The following PDSS2 variants were observed in gnomAD, a reference collection of about 807,000 sequenced individuals.
The protein encoded by PDSS2 is decaprenyl diphosphate synthase subunit 2, also known as all trans-polyprenyl-diphosphate synthase PDSS2.
Under a neutral mutation model 44.5 loss-of-function variants are expected in PDSS2, and 31 were observed. That is an observed-to-expected ratio of 0.70 (90% CI 0.52 to 0.94). The LOEUF (loss-of-function observed/expected upper bound fraction) is 0.94, where lower values mean the gene tolerates loss of function less well. PDSS2 is among the 40% of genes least tolerant of loss of function. The pLI is 0.00. For synonymous variants in PDSS2, 157 were observed against 180.3 expected (o/e 0.87, Z 1.03); for missense variants, 452 against 482.2 (o/e 0.94, Z 0.59).
chr6:107,264,274 T>G (rs1198586245), intron 3 of PDSS2: 2 of 1,372,856 alleles, frequency 1.5e-6, no homozygotes, highest in East Asian at 5.2e-5. Flanking sequence ...AACAAAATAC[T>G]TCATTTTAAA....
At chr6:107,203,408 C>T (rs746466030) in intron 6 of PDSS2, among the ~76,000 whole-genome samples, 5 of 152,106 alleles carry the variant, frequency 3.3e-5, no homozygotes, top group Non-Finnish European at 7.3e-5. Flanking sequence ...TTCTCATTGC[C>T]AACACTCTGA....
chr6:107,162,034 A>T (rs1163416905), intron 7 of PDSS2, among the ~76,000 whole-genome samples: 3 of 152,170 alleles, frequency 2.0e-5, no homozygotes, highest in Non-Finnish European at 4.4e-5. Flanking sequence ...GTGGGGTCAC[A>T]CAATTCTTGA....
chr6:107,225,757 A>G (rs1173684410), intron 4 of PDSS2, among the ~76,000 whole-genome samples: 4 of 152,200 alleles, frequency 2.6e-5, no homozygotes, highest in Non-Finnish European at 5.9e-5. Flanking sequence ...TCTTGCCATT[A>G]AGTAGAATTA....
chr6:107,444,624 T>G (rs1781609906), intron 1 of PDSS2, among the ~76,000 whole-genome samples: 1 of 152,202 alleles, frequency 6.6e-6, no homozygotes, highest in Admixed American at 6.5e-5. Flanking sequence ...TCATAAGTAA[T>G]GTAGGTTTTC....
intron 7 of PDSS2, among the ~76,000 whole-genome samples, chr6:107,188,636 T>C (rs10085269): frequency 1.2e-3 from 177 of 152,298 alleles, no homozygotes; most frequent in African/African-American, 4.2e-3. Flanking sequence ...GAGGTGGGCC[T>C]AGCGGGAGGT....
intron 7 of PDSS2, among the ~76,000 whole-genome samples, chr6:107,187,694 T>A (rs1468717883): frequency 2.6e-5 from 4 of 151,102 alleles, no homozygotes; most frequent in African/African-American, 9.7e-5. Flanking sequence ...TTAAAATGAC[T>A]AATTTGAGTC....
At chr6:107,223,925 G>GC (rs1773700542) in intron 4 of PDSS2, among the ~76,000 whole-genome samples, 1 of 151,290 alleles carries the variant, frequency 6.6e-6, no homozygotes, top group Admixed American at 6.6e-5. Flanking sequence ...CAAGAGGTGA[G>GC]CGGTGGGTGA....
At chr6:107,329,957 C>A (rs901011585) in intron 2 of PDSS2, among the ~76,000 whole-genome samples, 1 of 144,720 alleles carries the variant, frequency 6.9e-6, no homozygotes, top group Admixed American at 7.0e-5. Flanking sequence ...GCCGAGACTG[C>A]ATCACTTCAC....
chr6:107,210,556 G>T lies in PDSS2; in HGVS notation c.891C>A (p.Val297=). 6.3e-7 allele frequency: 1 copy of T among 1,595,890 alleles called. No homozygotes were observed. Among genetic ancestry groups the T allele is most frequent in the Non-Finnish European group, 8.6e-7 (1 of 1,163,666 alleles). ...TGGTCTTTTCTTTAATAAAAGGCTG[G>T]ACATCAGAATTTATCTACAAGAAGC... is the stretch of plus-strand genomic sequence containing the variant. ...MAMSHKINSD[V]QPFIKEKTSD... Residue 297 remains valine, a synonymous_variant, in exon 6 of 8, where the codon GTC becomes GTA. Coordinates refer to ENST00000369037, the MANE Select transcript of PDSS2 (RefSeq NM_020381.4).
At chr6:107,428,696 G>C (rs887387476) in intron 1 of PDSS2, among the ~76,000 whole-genome samples, 2 of 151,972 alleles carry the variant, frequency 1.3e-5, no homozygotes, top group Admixed American at 6.6e-5. Context: ...AATTATCTGG[G>C]TATAGTAGTG....
chr6:107,273,203 C>T (rs1055393756), intron 3 of PDSS2, among the ~76,000 whole-genome samples: 3 of 152,036 alleles, frequency 2.0e-5, no homozygotes, highest in South Asian at 2.1e-4. Flanking sequence ...AGACTGGTCT[C>T]GAACTCCTGA....
chr6:107,192,879 C>T (rs766239048), intron 7 of PDSS2, among the ~76,000 whole-genome samples: 7 of 151,918 alleles, frequency 4.6e-5, no homozygotes, highest in Non-Finnish European at 1.0e-4. Context: ...CAGGAGAGTG[C>T]GAGGTTCCAG....
intron 1 of PDSS2, among the ~76,000 whole-genome samples, chr6:107,430,266 A>G (rs925453774): frequency 2.0e-5 from 3 of 152,070 alleles, no homozygotes; most frequent in Non-Finnish European, 4.4e-5. Flanking sequence ...TTGGGAGGCC[A>G]AGGTGGGTGG....
chr6:107,386,478 CT>C (rs1239864919), intron 1 of PDSS2, among the ~76,000 whole-genome samples: 3 of 151,788 alleles, frequency 2.0e-5, no homozygotes, highest in Non-Finnish European at 4.4e-5. Context: ...CAGGATTAGG[CT>C]TACATTTAAA....
chr6:107,174,589 C>T (rs1165957877), intron 7 of PDSS2, among the ~76,000 whole-genome samples: 2 of 152,028 alleles, frequency 1.3e-5, no homozygotes, highest in Non-Finnish European at 2.9e-5. Flanking sequence ...AGACTTGGTA[C>T]AAAAGGAAAA....
intron 4 of PDSS2, among the ~76,000 whole-genome samples, chr6:107,229,415 C>T (rs1363542019): frequency 6.6e-6 from 1 of 152,136 alleles, no homozygotes; most frequent in African/African-American, 2.4e-5. Context: ...AAACTCCTGA[C>T]CTCGTGATTC....
At chr6:107,253,640 G>A (rs1432815475) in intron 3 of PDSS2, among the ~76,000 whole-genome samples, 5 of 152,134 alleles carry the variant, frequency 3.3e-5, no homozygotes, top group African/African-American at 4.8e-5. Context: ...ATATTTAAAT[G>A]TGCAGCTATA....
chr6:107,305,832 T>C (rs1430387018), intron 2 of PDSS2, among the ~76,000 whole-genome samples: 1 of 152,154 alleles, frequency 6.6e-6, no homozygotes, highest in Non-Finnish European at 1.5e-5. Flanking sequence ...GAATACAGAG[T>C]AGATTAAAAG....
At chr6:107,257,519 A>G (rs1187711211) in intron 3 of PDSS2, among the ~76,000 whole-genome samples, 1 of 152,228 alleles carries the variant, frequency 6.6e-6, no homozygotes, top group Non-Finnish European at 1.5e-5. Context: ...CCTGGGGTAC[A>G]GAGTGAGACT....
Sources: allele counts gnomAD v4.1 joint callset (sites outside exome capture counted in the v4.1 genomes callset), GRCh38; gene constraint gnomAD v4.1.1; transcripts MANE v1.5; gene names NCBI Gene and HGNC (gene_info 2026-07-23, HGNC 2026-07-21).